The following MGAT5 variants were observed in gnomAD, a reference collection of about 807,000 sequenced individuals.
MGAT5 encodes the protein alpha-1,6-mannosylglycoprotein 6-beta-N-acetylglucosaminyltransferase, also known as alpha-1,6-mannosylglycoprotein 6-beta-N-acetylglucosaminyltransferase A.
MGAT5 carries 30 observed loss-of-function variants against 94.3 expected under a neutral mutation model. That is an observed-to-expected ratio of 0.32 (90% CI 0.24 to 0.43). The LOEUF (loss-of-function observed/expected upper bound fraction) is 0.43. MGAT5 is among the 20% of genes least tolerant of loss of function. The pLI is 1.00. For missense variants in MGAT5, 691 were observed against 905.5 expected (o/e 0.76, Z 3.04); for synonymous variants, 310 against 322.9 (o/e 0.96, Z 0.43).
chr2:134,251,130 G>A (rs1304659773), upstream of MGAT5, among the ~76,000 whole-genome samples: 1 of 151,964 alleles, frequency 6.6e-6, no homozygotes, highest in East Asian at 1.9e-4. Flanking sequence ...GCACCTCATT[G>A]GCTTGCTCTA....
intron 1 of MGAT5, among the ~76,000 whole-genome samples, chr2:134,225,036 A>G (rs996542378): frequency 1.4e-5 from 2 of 141,212 alleles, no homozygotes; most frequent in African/African-American, 2.7e-5. Flanking sequence ...CTATGATCTT[A>G]CTGCAAGCCA....
intron 1 of MGAT5, among the ~76,000 whole-genome samples, chr2:134,222,562 TG>T (rs1680838133): frequency 6.6e-6 from 1 of 152,292 alleles, no homozygotes; most frequent in African/African-American, 2.4e-5. Flanking sequence ...ATGCAAAAAG[TG>T]CCTGGTCCTT....
At chr2:134,148,938 T>A (rs958534272) in intron 1 of MGAT5, among the ~76,000 whole-genome samples, 2 of 152,074 alleles carry the variant, frequency 1.3e-5, no homozygotes, top group African/African-American at 4.8e-5. Flanking sequence ...TTTGTTTTTG[T>A]ACTTTTAGTA....
chr2:134,150,549 G>A (rs1253093688), intron 1 of MGAT5, among the ~76,000 whole-genome samples: 3 of 152,190 alleles, frequency 2.0e-5, no homozygotes, highest in Non-Finnish European at 4.4e-5. Flanking sequence ...CCCTGTGGTA[G>A]ATAGAGGACC....
At chr2:134,361,065 G>A (rs1340829218) in intron 9 of MGAT5, among the ~76,000 whole-genome samples, 1 of 152,248 alleles carries the variant, frequency 6.6e-6, no homozygotes, top group African/African-American at 2.4e-5. Flanking sequence ...GGGCATCGGA[G>A]TCCTAGGCCT....
At chr2:134,175,956 G>A (rs978625785) in intron 1 of MGAT5, among the ~76,000 whole-genome samples, 3 of 152,206 alleles carry the variant, frequency 2.0e-5, no homozygotes, top group Non-Finnish European at 4.4e-5. Context: ...TCTGGGAGCA[G>A]GGTCCTGGAT....
chr2:134,131,572 A>ATTTT (rs10617178), intron 1 of MGAT5, among the ~76,000 whole-genome samples: 12 of 85,250 alleles, frequency 1.4e-4, no homozygotes, highest in South Asian at 9.5e-4. Flanking sequence ...TGGTAGATTG[A>ATTTT]TTTTTTTTTT....
intron 1 of MGAT5, among the ~76,000 whole-genome samples, chr2:134,218,162 G>C (rs1680588722): frequency 6.6e-6 from 1 of 152,180 alleles, no homozygotes; most frequent in Admixed American, 6.5e-5. Flanking sequence ...GCAAAATTCA[G>C]AAATACTTTG....
intron 1 of MGAT5, among the ~76,000 whole-genome samples, chr2:134,260,507 G>A (rs1031810940): frequency 3.9e-5 from 6 of 152,142 alleles, no homozygotes; most frequent in Admixed American, 6.5e-5. Flanking sequence ...TCTGAGATTC[G>A]AATGAGAGCT....
chr2:134,323,526 T>G (rs965700034), intron 4 of MGAT5, among the ~76,000 whole-genome samples: 1 of 152,118 alleles, frequency 6.6e-6, no homozygotes, highest in African/African-American at 2.4e-5. Context: ...AAGTCATAGA[T>G]AGCTCAGAGA....
intron 1 of MGAT5, among the ~76,000 whole-genome samples, chr2:134,142,821 T>G (rs1686719758): frequency 6.6e-6 from 1 of 152,192 alleles, no homozygotes; most frequent in African/African-American, 2.4e-5. Flanking sequence ...GGTCTCACTG[T>G]GTTGCCCAGG....
intron 1 of MGAT5, among the ~76,000 whole-genome samples, chr2:134,130,378 A>G (rs761018110): frequency 2.0e-5 from 3 of 152,200 alleles, no homozygotes; most frequent in African/African-American, 4.8e-5. Flanking sequence ...TTGACTGCCC[A>G]AGGGCTGAGG....
chr2:134,356,511 GTC>G (rs1679751299), intron 9 of MGAT5, among the ~76,000 whole-genome samples: 1 of 152,126 alleles, frequency 6.6e-6, no homozygotes, highest in African/African-American at 2.4e-5. Context: ...GGATGTCTAA[GTC>G]TCTGTTCTCC....
chr2:134,430,596 C>T (rs887037088), intron 14 of MGAT5, among the ~76,000 whole-genome samples: 1 of 152,116 alleles, frequency 6.6e-6, no homozygotes, highest in Non-Finnish European at 1.5e-5. Context: ...TCATCTTGGA[C>T]TTCATGATTT....
At chr2:134,232,873 T>G (rs1681443195) in intron 1 of MGAT5, among the ~76,000 whole-genome samples, 1 of 152,182 alleles carries the variant, frequency 6.6e-6, no homozygotes, top group Non-Finnish European at 1.5e-5. Flanking sequence ...GTGTGAGATA[T>G]TGGTGGCAAT....
intron 1 of MGAT5, among the ~76,000 whole-genome samples, chr2:134,133,110 A>G (rs1686252535): frequency 6.6e-6 from 1 of 152,220 alleles, no homozygotes; most frequent in South Asian, 2.1e-4. Context: ...CATTAGTGGG[A>G]AAGGCAAAGA....
rs1686311242 is a variant in MGAT5, at chr2:134,306,107, C to T, written c.407-11422C>T. On this transcript the variant is annotated intron_variant, in intron 2 of 15. Coordinates refer to ENST00000281923, the MANE Select transcript of MGAT5 (RefSeq NM_002410.5). ...AACTAGCATTCTCCTAGTTTATTTC[C>T]TATTAGGCCCATTTGTTGTAACTAA... Among the ~76,000 whole-genome samples the T allele has an allele frequency of 2.6e-5, 4 of 151,900 alleles. No individual in the cohort carries two copies. The South Asian group carries it at 8.3e-4, about 32-fold the overall frequency.
chr2:134,416,100 A>C (rs1005793219), intron 12 of MGAT5, among the ~76,000 whole-genome samples: 1 of 152,216 alleles, frequency 6.6e-6, no homozygotes, highest in African/African-American at 2.4e-5. Context: ...TGTTTGTTTA[A>C]CATTTGAGAT....
intron 9 of MGAT5, among the ~76,000 whole-genome samples, chr2:134,351,978 G>A (rs188873518): frequency 1.1e-4 from 16 of 152,280 alleles, no homozygotes; most frequent in Admixed American, 7.2e-4. Flanking sequence ...TAAGAGAAAT[G>A]CATTTTTAAA....
Sources: allele counts gnomAD v4.1 joint callset (sites outside exome capture counted in the v4.1 genomes callset), GRCh38; gene constraint gnomAD v4.1.1; transcripts MANE v1.5; gene names NCBI Gene and HGNC (gene_info 2026-07-23, HGNC 2026-07-21).